TBC1D5: variants seen among roughly 807,000 people sequenced by gnomAD.
The protein encoded by TBC1D5 is TBC1 domain family member 5.
TBC1D5 carries 75 observed loss-of-function variants against 100.3 expected under a neutral mutation model. The ratio of observed to expected loss-of-function variants is 0.75; its 90% CI spans 0.62 to 0.91. The LOEUF is 0.91. Ranked by LOEUF, TBC1D5 falls within the 40% of genes least tolerant of loss-of-function variation. TBC1D5 has a pLI of 0.00. For missense variants in TBC1D5, 910 were observed against 942.4 expected (o/e 0.97, Z 0.45); for synonymous variants, 323 against 325.6 (o/e 0.99, Z 0.09).
At chr3:17,513,705 C>A (rs2095943437) in intron 2 of TBC1D5, among the ~76,000 whole-genome samples, 1 of 152,158 alleles carries the variant, frequency 6.6e-6, no homozygotes, top group South Asian at 2.1e-4. Context: ...ATAAAGATTT[C>A]TCCTATAAGA....
chr3:17,299,581 G>A (rs904390188), intron 14 of TBC1D5, among the ~76,000 whole-genome samples: 3 of 152,080 alleles, frequency 2.0e-5, no homozygotes, highest in African/African-American at 4.8e-5. Context: ...CATTCTGGCC[G>A]GGTGCGGTGG....
intron 3 of TBC1D5, among the ~76,000 whole-genome samples, chr3:17,473,512 A>G (rs145770523): frequency 6.6e-6 from 1 of 152,348 alleles, no homozygotes; most frequent in East Asian, 1.9e-4. Flanking sequence ...ACCTAAATAT[A>G]AACACGTAAA....
intron 1 of TBC1D5, among the ~76,000 whole-genome samples, chr3:17,707,342 T>C (rs945994499): frequency 1.3e-5 from 2 of 152,138 alleles, no homozygotes; most frequent in African/African-American, 4.8e-5. Context: ...CTTCAATAAA[T>C]TTATAAAATT....
At chr3:17,721,273 A>C (rs2075675563) in intron 1 of TBC1D5, among the ~76,000 whole-genome samples, 1 of 152,180 alleles carries the variant, frequency 6.6e-6, no homozygotes, top group Admixed American at 6.5e-5. Context: ...GAGTTCTCTG[A>C]TGGCTGTTAT....
intron 3 of TBC1D5, among the ~76,000 whole-genome samples, chr3:17,490,110 T>G (rs1472252450): frequency 6.6e-6 from 1 of 152,216 alleles, no homozygotes; most frequent in African/African-American, 2.4e-5. Flanking sequence ...ATGTTGAGTT[T>G]TTTTAGTATA....
At chr3:17,255,153 G>A (rs968087027) in intron 16 of TBC1D5, among the ~76,000 whole-genome samples, 3 of 152,148 alleles carry the variant, frequency 2.0e-5, no homozygotes, top group Admixed American at 6.5e-5. Context: ...TTTGGAGTAA[G>A]AAGAGGATTT....
chr3:17,651,723 T>C (rs990901926), intron 1 of TBC1D5, among the ~76,000 whole-genome samples: 1 of 151,956 alleles, frequency 6.6e-6, no homozygotes, highest in Non-Finnish European at 1.5e-5. Context: ...TTTTTTTACA[T>C]TTCCTCCCCC....
At chr3:17,273,680 G>A (rs995105478) in intron 15 of TBC1D5, among the ~76,000 whole-genome samples, 2 of 151,918 alleles carry the variant, frequency 1.3e-5, no homozygotes, top group South Asian at 2.1e-4. Flanking sequence ...AATGGCAGGC[G>A]CCTGTAATCC....
chr3:17,423,820 T>C (rs896855595), intron 4 of TBC1D5, among the ~76,000 whole-genome samples: 1 of 152,162 alleles, frequency 6.6e-6, no homozygotes, highest in African/African-American at 2.4e-5. Context: ...TATTCTATCC[T>C]CCGCCATTTA....
chr3:17,254,516 T>G (rs1034743922), intron 16 of TBC1D5, among the ~76,000 whole-genome samples: 1 of 152,198 alleles, frequency 6.6e-6, no homozygotes, highest in African/African-American at 2.4e-5. Context: ...TCTTCTTTTG[T>G]GAAGAGGCTG....
chr3:17,716,986 A>G (rs989247456), intron 1 of TBC1D5, among the ~76,000 whole-genome samples: 2 of 152,186 alleles, frequency 1.3e-5, no homozygotes, highest in African/African-American at 2.4e-5. Flanking sequence ...CTTCAATAAC[A>G]TGGACTTGCT....
chr3:17,526,265 T>C (rs572415191), intron 2 of TBC1D5, among the ~76,000 whole-genome samples: 1 of 152,312 alleles, frequency 6.6e-6, no homozygotes, highest in East Asian at 1.9e-4. Context: ...TTGCATACAC[T>C]GGAATGCAGC....
chr3:17,359,835 A>G (rs1383505637), intron 13 of TBC1D5, among the ~76,000 whole-genome samples: 1 of 152,026 alleles, frequency 6.6e-6, no homozygotes, highest in African/African-American at 2.4e-5. Context: ...CCTCTAGGTT[A>G]CTTGGTTATT....
intron 17 of TBC1D5, among the ~76,000 whole-genome samples, chr3:17,216,601 T>A (rs1301856661): frequency 6.6e-6 from 1 of 152,122 alleles, no homozygotes; most frequent in East Asian, 1.9e-4. Flanking sequence ...AGAAGTATCC[T>A]ATGCTTATAA....
chr3:17,278,339 T>C (rs1215395243), intron 15 of TBC1D5, among the ~76,000 whole-genome samples: 2 of 152,174 alleles, frequency 1.3e-5, no homozygotes, highest in Non-Finnish European at 2.9e-5. Context: ...TTCAACCTCT[T>C]TGATTATTCC....
chr3:17,338,988 T>C (rs1031268090), intron 13 of TBC1D5, among the ~76,000 whole-genome samples: 19 of 152,222 alleles, frequency 1.2e-4, no homozygotes, highest in Admixed American at 1.2e-3. Flanking sequence ...CATTTAGATA[T>C]TCCTGCTTCT....
intron 1 of TBC1D5, chr3:17,662,958 T>A (rs2066809752): frequency 2.6e-5 from 4 of 152,284 alleles, no homozygotes; most frequent in Non-Finnish European, 5.9e-5. Flanking sequence ...CTGGGGTTCA[T>A]GGGCAAAAAA....
intron 8 of TBC1D5, among the ~76,000 whole-genome samples, chr3:17,395,292 G>C (rs112465276): frequency 1.3e-5 from 2 of 151,754 alleles, no homozygotes; most frequent in African/African-American, 4.8e-5. Flanking sequence ...CTACCATAAT[G>C]GTAAAAAATT....
intron 13 of TBC1D5, among the ~76,000 whole-genome samples, chr3:17,345,006 T>A (rs1420506854): frequency 6.6e-6 from 1 of 152,158 alleles, no homozygotes; most frequent in Non-Finnish European, 1.5e-5. Flanking sequence ...GACATAGGCA[T>A]GGGCAAGGAC....
Sources: allele counts gnomAD v4.1 joint callset (sites outside exome capture counted in the v4.1 genomes callset), GRCh38; gene constraint gnomAD v4.1.1; transcripts MANE v1.5; gene names NCBI Gene and HGNC (gene_info 2026-07-23, HGNC 2026-07-21).